Variants in PLEKHA7 observed in about 807,000 individuals in gnomAD.
PLEKHA7 encodes pleckstrin homology domain-containing family A member 7.
Under a neutral mutation model 170.0 loss-of-function variants are expected in PLEKHA7, and 104 were observed. That is an observed-to-expected ratio of 0.61 (90% CI 0.52 to 0.72). PLEKHA7 has a LOEUF of 0.72. PLEKHA7 is among the 30% of genes least tolerant of loss of function. The pLI, the probability that PLEKHA7 is intolerant of heterozygous loss-of-function variation, is 0.00. For missense variants in PLEKHA7, 1,615 were observed against 1,671.7 expected (o/e 0.97, Z 0.59); for synonymous variants, 648 against 660.8 (o/e 0.98, Z 0.30).
intron 3 of PLEKHA7, among the ~76,000 whole-genome samples, chr11:16,880,130 T>C (rs1209249072): frequency 2.0e-5 from 3 of 152,206 alleles, no homozygotes; most frequent in East Asian, 3.8e-4. Context: ...GTACCAGCTT[T>C]GTCACTACCA....
intron 3 of PLEKHA7, among the ~76,000 whole-genome samples, chr11:17,007,331 T>A (rs1057404649): frequency 1.3e-5 from 2 of 148,934 alleles, no homozygotes; most frequent in African/African-American, 5.2e-5. Context: ...AAAAAAAAAT[T>A]TTTTTTTTGA....
At position 16,787,322 on chromosome 11, in the gene PLEKHA7, G is replaced by A. The variant is rs1249115893; in HGVS notation, c.3358-935C>T. The stretch of plus-strand genomic sequence containing the variant: ...CCACCTCAAAGCCCCAAATGGTCCT[G>A]ATTGTCTTTGATGCCTCAAGTCCCT... On this transcript the variant is annotated intron_variant, in intron 23 of 26. Transcript: ENST00000531066. 4.1e-6 allele frequency: 3 copies of A among 735,806 alleles called. No homozygotes were observed. In the African/African-American group the frequency reaches 5.7e-5, roughly 14 times the overall value. The allele number at this position is 735,806 out of a possible 1,614,324, so 45.6% of individuals were successfully genotyped here. A position where few individuals can be genotyped will look rare whatever the true frequency, so the allele number is the denominator to read the frequency against.
At chr11:17,004,797 T>C (rs550359717) in intron 3 of PLEKHA7, among the ~76,000 whole-genome samples, 1 of 152,356 alleles carries the variant, frequency 6.6e-6, no homozygotes, top group East Asian at 1.9e-4. Context: ...CGTGAAATAC[T>C]CTGTAAATGA....
intron 9 of PLEKHA7, among the ~76,000 whole-genome samples, chr11:16,840,872 C>A (rs1242411165): frequency 1.3e-5 from 2 of 152,178 alleles, no homozygotes; most frequent in Non-Finnish European, 2.9e-5. Flanking sequence ...ACCAGCGCAA[C>A]CCATTTCCAG....
intron 25 of PLEKHA7, among the ~76,000 whole-genome samples, chr11:16,783,307 C>A (rs968195535): frequency 6.6e-6 from 1 of 152,206 alleles, no homozygotes; most frequent in Admixed American, 6.5e-5. Flanking sequence ...AAGGCTGGCA[C>A]CCTTGGCTCT....
intron 26 of PLEKHA7, among the ~76,000 whole-genome samples, chr11:16,779,539 C>G (rs1848866909): frequency 1.3e-5 from 2 of 152,328 alleles, no homozygotes; most frequent in East Asian, 3.9e-4. Flanking sequence ...GCTCAGATCT[C>G]TAGGAGAAAG....
At position 16,932,476 on chromosome 11, in the gene PLEKHA7, G is replaced by A. The variant is rs770106059; in HGVS notation, c.222-61294C>T. ...TTTCAATTTTTTTTGGTAGAGACAG[G>A]ACCTTGCTATGTTGCCCAGGCTGGT... On this transcript the variant is annotated intron_variant, in intron 3 of 26. Transcript: ENST00000531066. 1.3e-5 allele frequency among the ~76,000 whole-genome samples: 2 copies of A among 151,962 alleles called. 1 individual carries two copies. Among genetic ancestry groups the A allele is most frequent in the Non-Finnish European group, 2.9e-5 (2 of 67,990 alleles).
chr11:16,817,460 C>T lies in PLEKHA7; in HGVS notation c.1344-138G>A, dbSNP rs1849862079. ...ACCTCAAAAGAATGATCAAGGCCGA[C>T]ATCCAGGACTTCAGTCACTTCCCCT... On this transcript the variant is annotated intron_variant, in intron 10 of 26. Coordinates refer to ENST00000531066, the MANE Select transcript of PLEKHA7 (RefSeq NM_001329630.2). This position sits in a 1 kb window ranked among gnomAD's most constrained non-coding sequence, Gnocchi z 4.4. 1 of 814,498 alleles carries T rather than the reference C, an allele frequency of 1.2e-6. No individual in the cohort carries two copies. Among genetic ancestry groups the T allele is most frequent in the Admixed American group, 3.1e-5 (1 of 31,960 alleles). The allele number at this position is 814,498 out of a possible 1,614,324, so 50.5% of individuals were successfully genotyped here.
At chr11:16,904,702 ACT>A (rs1211699144) in intron 3 of PLEKHA7, among the ~76,000 whole-genome samples, 9 of 152,204 alleles carry the variant, frequency 5.9e-5, no homozygotes, top group African/African-American at 1.7e-4. Flanking sequence ...ATATGCCACC[ACT>A]GTTACTAATT....
intron 23 of PLEKHA7, chr11:16,786,739 C>T: frequency 1.0e-6 from 1 of 985,428 alleles, no homozygotes. Flanking sequence ...GTCCCTTCCA[C>T]TCTCTACAGC....
In PLEKHA7 at chr11:16,871,123, T is replaced by G. The variant is rs574239715; in HGVS notation, c.281A>C (p.Asn94Thr). 74 of 1,605,226 alleles carry G rather than the reference T, an allele frequency of 4.6e-5. No homozygotes were observed. Among genetic ancestry groups the G allele is most frequent in the Non-Finnish European group, 6.2e-5 (73 of 1,172,240 alleles). The change falls in exon 4 of 27, where the codon AAT (asparagine) becomes ACT (threonine). Residue 94 changes from asparagine to threonine, a missense_variant. Asn to Thr is a moderately conservative substitution (Grantham distance 65). Coordinates refer to ENST00000531066, the MANE Select transcript of PLEKHA7 (RefSeq NM_001329630.2). ...CTCTTCTTGAAGAATGAATTCACTATTTTCTGGAGAAAACTGTCCCGTCAC... is the reference window on the plus strand; with the variant it reads ...CTCTTCTTGAAGAATGAATTCACTAGTTTCTGGAGAAAACTGTCCCGTCAC... ...HPVTGQFSPE[N>T]SEFILQEEPN...
intron 17 of PLEKHA7, among the ~76,000 whole-genome samples, chr11:16,797,317 C>A (rs766948199): frequency 6.6e-6 from 1 of 152,112 alleles, no homozygotes; most frequent in Non-Finnish European, 1.5e-5. Context: ...AAAATAAAGG[C>A]AGGCTTCCCA....
chr11:16,866,517 G>A (rs369947781), intron 4 of PLEKHA7, among the ~76,000 whole-genome samples: 7 of 152,140 alleles, frequency 4.6e-5, no homozygotes, highest in East Asian at 3.9e-4. Flanking sequence ...GCTTGAACCC[G>A]GGAGGCGGAG....
intron 3 of PLEKHA7, among the ~76,000 whole-genome samples, chr11:16,958,381 T>C (rs1478683677): frequency 2.6e-5 from 4 of 152,130 alleles, no homozygotes; most frequent in Admixed American, 6.5e-5. Flanking sequence ...CATAATGCAA[T>C]ATTTATGGGA....
intron 9 of PLEKHA7, among the ~76,000 whole-genome samples, chr11:16,830,353 G>C (rs920011999): frequency 6.6e-6 from 1 of 152,182 alleles, no homozygotes; most frequent in Non-Finnish European, 1.5e-5. Flanking sequence ...CTTCGGAGAT[G>C]ATGAAGGCTC....
chr11:16,838,699 T>C (rs1029446615), intron 9 of PLEKHA7, among the ~76,000 whole-genome samples: 5 of 144,588 alleles, frequency 3.5e-5, no homozygotes, highest in African/African-American at 1.3e-4. Flanking sequence ...TTTTCTTTTT[T>C]TTTTTTTTTT....
chr11:16,938,857 AATC>A (rs1860489442), intron 3 of PLEKHA7, among the ~76,000 whole-genome samples: 1 of 152,250 alleles, frequency 6.6e-6, no homozygotes, highest in African/African-American at 2.4e-5. Flanking sequence ...TGTAAATAAT[AATC>A]AGACACAATT....
chr11:16,853,430 T>A (rs1853152584), intron 6 of PLEKHA7, among the ~76,000 whole-genome samples: 1 of 152,238 alleles, frequency 6.6e-6, no homozygotes, highest in Admixed American at 6.5e-5. Flanking sequence ...TGATATTTGC[T>A]TTGTTTGGAG....
At chr11:16,938,685 C>T (rs76635571) in intron 3 of PLEKHA7, among the ~76,000 whole-genome samples, 2,850 of 152,002 alleles carry the variant, frequency 0.019, 97 homozygotes, top group African/African-American at 0.065. Context: ...GTTGGAAGGC[C>T]GAAAACAGAA....
Sources: gnomAD v4.1 joint callset for allele counts (sites outside exome capture counted in the v4.1 genomes callset) on GRCh38, gnomAD v4.1.1 for gene constraint, Gnocchi (gnomAD v3.1) non-coding constraint, MANE v1.5 for transcripts, NCBI Gene and HGNC (gene_info 2026-07-23, HGNC 2026-07-21) for gene names.